Variants in MOCOS observed in about 807,000 individuals in gnomAD.
MOCOS encodes the protein human molybdenum cofactor sulfurase.
Under a neutral mutation model 83.6 loss-of-function variants are expected in MOCOS, and 86 were observed. The ratio of observed to expected loss-of-function variants is 1.03; its 90% CI spans 0.86 to 1.23. MOCOS has a LOEUF of 1.23. Among genes scored for constraint, MOCOS ranks in the 50% most tolerant of loss-of-function variants. MOCOS has a pLI of 0.00. For missense variants in MOCOS, 1,120 were observed against 1,126.9 expected, an observed-to-expected ratio of 0.99 and a Z score of 0.09; for synonymous variants, 445 against 434.7, an observed-to-expected ratio of 1.02 and a Z score of -0.29.
rs761521174 is a variant in MOCOS, at chr18:36,215,821, T to C, written c.1641T>C (p.Thr547=). 4 of 1,614,232 alleles carry C rather than the reference T, an allele frequency of 2.5e-6. No individual in the cohort carries two copies. The highest frequency in any genetic ancestry group is 2.2e-5 in the South Asian group (2 of 91,090). The change falls in exon 8 of 15, where the codon ACT becomes ACC. Residue 547 remains threonine, a synonymous_variant. Transcript: ENST00000261326. ...TGSRVWNNSS[T]VNAVPVAPPV... Reference sequence around the variant, plus strand: ...CCAGGGTTTGGAACAACTCGTCTACTGTGAATGCTGTGCCTGTGGCCCCAC... The same window carrying C: ...CCAGGGTTTGGAACAACTCGTCTACCGTGAATGCTGTGCCTGTGGCCCCAC...
chr18:36,245,145 G>C (rs1247036099), intron 9 of MOCOS, among the ~76,000 whole-genome samples: 2 of 152,114 alleles, frequency 1.3e-5, no homozygotes, highest in Non-Finnish European at 2.9e-5. Flanking sequence ...ATTGAGATAT[G>C]AGGTACTGTT....
At position 36,271,073 on chromosome 18, in the gene MOCOS, C is replaced by T. The variant is rs959979257; in HGVS notation, c.*2388C>T. 1.3e-5 allele frequency: 2 copies of T among 152,092 alleles called. No individual in the cohort carries two copies. The highest frequency in any genetic ancestry group is 1.9e-4 in the East Asian group (1 of 5,176). 9.4% of individuals were successfully genotyped at this position (152,092 alleles called of 1,614,324 possible). A position where few individuals can be genotyped will look rare whatever the true frequency, so the allele number is the denominator to read the frequency against. On this transcript the variant is annotated 3_prime_UTR_variant, in exon 15 of 15. Coordinates refer to ENST00000261326, the MANE Select transcript of MOCOS (RefSeq NM_017947.4). ...AATTCCTGGGCTCAAGCCATCCTCCCGCCACAGCCTCCCAAAGTTCTGGGA... is the reference window on the plus strand; with the variant it reads ...AATTCCTGGGCTCAAGCCATCCTCCTGCCACAGCCTCCCAAAGTTCTGGGA...
chr18:36,195,792 C>A (rs1041614611), intron 2 of MOCOS, among the ~76,000 whole-genome samples: 1 of 152,200 alleles, frequency 6.6e-6, no homozygotes, highest in Non-Finnish European at 1.5e-5. Context: ...GTGATCTAGT[C>A]CTGGAAGACA....
At chr18:36,200,589 A>G (rs1450674485) in intron 4 of MOCOS, among the ~76,000 whole-genome samples, 3 of 152,184 alleles carry the variant, frequency 2.0e-5, no homozygotes, top group Admixed American at 6.5e-5. Flanking sequence ...AGAACTGCAC[A>G]CAGGAGAGAT....
At position 36,195,181 on chromosome 18, in the gene MOCOS, A is replaced by T. The variant is rs1362989536; in HGVS notation, c.143-76A>T. The T allele has an allele frequency of 3.3e-6, 4 of 1,211,778 alleles. No homozygotes were observed. In the South Asian group the frequency reaches 3.6e-5, roughly 11 times the overall value. 75.1% of individuals were successfully genotyped at this position (1,211,778 alleles called of 1,614,324 possible). ...GTGGCCTGATGTTACGTCTGCATGC[A>T]TTAGATGACATTGGTTGGGCTTACA... On this transcript the variant is annotated intron_variant, in intron 1 of 14. Coordinates refer to ENST00000261326, the MANE Select transcript of MOCOS (RefSeq NM_017947.4).
At chr18:36,237,073 T>C (rs1388546936) in intron 9 of MOCOS, among the ~76,000 whole-genome samples, 8 of 147,658 alleles carry the variant, frequency 5.4e-5, no homozygotes, top group South Asian at 2.2e-4. Context: ...TCATGTCATC[T>C]GCAAACAGGG....
Position 36,251,254 on chromosome 18 carries a change from A to C in MOCOS, c.2135A>C (p.Gln712Pro). ...TTGATCAAACAAAGTTCAAACTCTC[A>C]AAGGAATGCAAAGAAGAAACATGGA... Reference protein sequence around the residue: ...CHLIKQSSNSQRNAKKKHGKD... With the variant: ...CHLIKQSSNSPRNAKKKHGKD... Residue 712 changes from glutamine to proline, a missense_variant, in exon 11 of 15, where the codon CAA (glutamine) becomes CCA (proline). Gln to Pro is a moderately conservative substitution (Grantham distance 76). Coordinates refer to ENST00000261326, the MANE Select transcript of MOCOS (RefSeq NM_017947.4). 1 of 1,614,070 alleles carries C rather than the reference A, an allele frequency of 6.2e-7. No homozygotes were observed. The highest frequency in any genetic ancestry group is 8.5e-7 in the Non-Finnish European group (1 of 1,179,958).
chr18:36,214,361 G>T (rs945766447), intron 7 of MOCOS, among the ~76,000 whole-genome samples: 16 of 152,040 alleles, frequency 1.1e-4, no homozygotes, highest in Non-Finnish European at 5.9e-5. Context: ...GCAAGGGAGG[G>T]GTGTTAACAA....
intron 9 of MOCOS, among the ~76,000 whole-genome samples, chr18:36,239,423 G>C (rs2091572555): frequency 6.6e-6 from 1 of 150,984 alleles, no homozygotes; most frequent in Non-Finnish European, 1.5e-5. Flanking sequence ...TGAAATTCTG[G>C]GTTGAAAATT....
rs1010159154 is a variant in MOCOS at position 36,203,018 on chromosome 18, C to A, written c.942-95C>A. 4 of 1,235,790 alleles carry A rather than the reference C, an allele frequency of 3.2e-6. No individual in the cohort carries two copies. The Admixed American group carries it at 5.1e-5, about 16-fold the overall frequency. The allele number at this position is 1,235,790 out of a possible 1,614,324, so 76.6% of individuals were successfully genotyped here. ...ACATAAAGCCAAACCACATCAACAG[C>A]TAAGCCTAAAATCTAAAGCTCATTA... On this transcript the variant is annotated intron_variant, in intron 4 of 14. Coordinates refer to ENST00000261326, the MANE Select transcript of MOCOS (RefSeq NM_017947.4).
chr18:36,265,836 T>G (rs1175008937), intron 13 of MOCOS, among the ~76,000 whole-genome samples: 3 of 152,184 alleles, frequency 2.0e-5, no homozygotes, highest in Non-Finnish European at 4.4e-5. Context: ...CCATTTTATT[T>G]AAAGGTTTTT....
intron 9 of MOCOS, among the ~76,000 whole-genome samples, chr18:36,236,279 T>C (rs1158117620): frequency 0.13 from 4,378 of 34,920 alleles, 2 homozygotes; most frequent in East Asian, 0.13. Flanking sequence ...AACATTTAAG[T>C]CTTTAATCCA....
chr18:36,209,427 T>A (rs1222247739), intron 6 of MOCOS, among the ~76,000 whole-genome samples: 1 of 152,094 alleles, frequency 6.6e-6, no homozygotes, highest in Non-Finnish European at 1.5e-5. Context: ...GAGATTTTGG[T>A]GCATCCGTCA....
intron 13 of MOCOS, among the ~76,000 whole-genome samples, chr18:36,265,378 C>T (rs71365632): frequency 0.022 from 3,332 of 152,294 alleles, 49 homozygotes; most frequent in Middle Eastern, 0.048. Flanking sequence ...CCAATTTCTT[C>T]GGGTCTAATC....
intron 1 of MOCOS, among the ~76,000 whole-genome samples, chr18:36,189,278 C>T (rs1478669646): frequency 6.6e-6 from 1 of 152,124 alleles, no homozygotes; most frequent in Admixed American, 6.5e-5. Flanking sequence ...AACTCGTTAC[C>T]ACTTACTGTA....
chr18:36,250,996 C>T (rs1324136185), intron 10 of MOCOS, among the ~76,000 whole-genome samples, 163 bp from the exon 11 acceptor site: 1 of 152,196 alleles, frequency 6.6e-6, no homozygotes, highest in Non-Finnish European at 1.5e-5. Flanking sequence ...GCAGGTCGTC[C>T]TGCCTTGGAA....
chr18:36,210,377 C>T (rs575306388), intron 6 of MOCOS, among the ~76,000 whole-genome samples: 2 of 152,232 alleles, frequency 1.3e-5, no homozygotes, highest in Admixed American at 1.3e-4. Context: ...TGTGCAGACC[C>T]CTTGCCCCCA....
intron 11 of MOCOS, 32 bp downstream of exon 11, chr18:36,251,315 A>C (rs1598591982): frequency 8.7e-6 from 14 of 1,612,198 alleles, no homozygotes; most frequent in Non-Finnish European, 1.2e-5. Context: ...CGTAGAGAAC[A>C]GGAACCCTGG....
At chr18:36,243,127 T>C (rs1244354159) in intron 9 of MOCOS, among the ~76,000 whole-genome samples, 3 of 152,218 alleles carry the variant, frequency 2.0e-5, no homozygotes, top group African/African-American at 7.2e-5. Context: ...TGATTTTGTA[T>C]CCTGAAACTT....
Sources: allele counts gnomAD v4.1 joint callset (sites outside exome capture counted in the v4.1 genomes callset), GRCh38; gene constraint gnomAD v4.1.1; transcripts MANE v1.5; gene names NCBI Gene and HGNC (gene_info 2026-07-23, HGNC 2026-07-21).